Variants in MTCL2 observed in about 807,000 individuals in gnomAD.
MTCL2 encodes the protein microtubule cross-linking factor 2.
chr20:36,850,664 TATG>T, the MTCL2 span, among the ~76,000 whole-genome samples: 5 of 152,258 alleles, frequency 3.3e-5, no homozygotes, highest in Non-Finnish European at 5.9e-5. Flanking sequence ...ATTTAATCCT[TATG>T]ATGGTCACTC....
chr20:36,785,000 G>C, the MTCL2 span: 45 of 985,528 alleles, frequency 4.6e-5, no homozygotes, highest in East Asian at 5.1e-3. Context: ...AAAGGTGTCA[G>C]AGGGAGGGAG....
the MTCL2 span, among the ~76,000 whole-genome samples, chr20:36,861,311 G>A: frequency 2.0e-5 from 3 of 152,134 alleles, no homozygotes; most frequent in Admixed American, 6.5e-5. Flanking sequence ...TGCCAACACC[G>A]AACCCGGCCC....
chr20:36,828,993 G>A, the MTCL2 span: 1 of 1,460,892 alleles, frequency 6.8e-7, no homozygotes. Flanking sequence ...CACTGGCTTG[G>A]GGGGGCTTGC....
At chr20:36,833,309 C>T in the MTCL2 span, among the ~76,000 whole-genome samples, 3 of 152,240 alleles carry the variant, frequency 2.0e-5, no homozygotes, top group Non-Finnish European at 2.9e-5. Flanking sequence ...CTCCCAGCTA[C>T]CCTCAAGGTA....
chr20:36,780,265 A>G, the MTCL2 span: 8 of 145,466 alleles, frequency 5.5e-5, no homozygotes, highest in East Asian at 1.2e-3. Context: ...ATCCACAGAG[A>G]AAAAAAAAAA....
chr20:36,804,482 A>C, the MTCL2 span, among the ~76,000 whole-genome samples: 1 of 152,108 alleles, frequency 6.6e-6, no homozygotes, highest in Non-Finnish European at 1.5e-5. Flanking sequence ...GGGGATGTGC[A>C]CCAGCCTCAC....
At chr20:36,793,925 A>C in the MTCL2 span, 1 of 1,551,406 alleles carries the variant, frequency 6.4e-7, no homozygotes, top group Non-Finnish European at 8.7e-7. The surrounding 1 kb of genome is among the most constrained non-coding windows in gnomAD (Gnocchi z 6.8). Flanking sequence ...GCCCACGCTG[A>C]CCGTGCGGAT....
At chr20:36,788,730 A>T in the MTCL2 span, among the ~76,000 whole-genome samples, 1 of 151,806 alleles carries the variant, frequency 6.6e-6, no homozygotes, top group Admixed American at 6.6e-5. Flanking sequence ...TAGCTGTGTG[A>T]CCTTGGGAGA....
the MTCL2 span, chr20:36,805,029 C>T: frequency 2.0e-6 from 2 of 995,886 alleles, no homozygotes; most frequent in Admixed American, 5.2e-5. Context: ...CCCACAACCT[C>T]CCTAGGTCAT....
At chr20:36,831,178 C>T in the MTCL2 span, among the ~76,000 whole-genome samples, 1 of 152,218 alleles carries the variant, frequency 6.6e-6, no homozygotes, top group Non-Finnish European at 1.5e-5. Context: ...CAACCAGACT[C>T]CATCTCTATG....
chr20:36,858,817 G>A, the MTCL2 span, among the ~76,000 whole-genome samples: 1 of 152,066 alleles, frequency 6.6e-6, no homozygotes, highest in Non-Finnish European at 1.5e-5. Context: ...TGAGACAAGA[G>A]TTTCACTCTG....
chr20:36,853,268 C>G, the MTCL2 span, among the ~76,000 whole-genome samples: 1 of 152,120 alleles, frequency 6.6e-6, no homozygotes, highest in African/African-American at 2.4e-5. Context: ...TCCCTGTGCA[C>G]CCCTGATCCC....
At chr20:36,801,164 T>C in the MTCL2 span, among the ~76,000 whole-genome samples, 8 of 152,124 alleles carry the variant, frequency 5.3e-5, no homozygotes, top group African/African-American at 1.9e-4. Context: ...CCTTAGCCTC[T>C]CATGTAGCTG....
the MTCL2 span, chr20:36,863,413 G>A: frequency 1.8e-6 from 2 of 1,094,454 alleles, no homozygotes; most frequent in Non-Finnish European, 2.2e-6. The surrounding 1 kb of genome is among the most constrained non-coding windows in gnomAD (Gnocchi z 6.2). Flanking sequence ...CGTCCCTGGG[G>A]AGGGACCCGG....
chr20:36,784,361 G>A, the MTCL2 span: 3 of 985,842 alleles, frequency 3.0e-6, no homozygotes, highest in Non-Finnish European at 3.6e-6. Context: ...TGTTCAGCCT[G>A]CAGGGAAGGG....
the MTCL2 span, among the ~76,000 whole-genome samples, chr20:36,861,988 A>G: frequency 6.6e-6 from 1 of 152,226 alleles, no homozygotes; most frequent in Non-Finnish European, 1.5e-5. Context: ...TTGTGTGCAC[A>G]AGGTCTGCCC....
the MTCL2 span, chr20:36,782,343 C>G: frequency 6.6e-6 from 1 of 152,302 alleles, no homozygotes; most frequent in African/African-American, 2.4e-5. Flanking sequence ...AAGCCCCCAG[C>G]AGGGCAGCGG....
chr20:36,851,055 C>T, the MTCL2 span, among the ~76,000 whole-genome samples: 18 of 152,074 alleles, frequency 1.2e-4, no homozygotes, highest in South Asian at 1.3e-3. Flanking sequence ...GGTCTGAAAT[C>T]GAGAGAGGAA....
the MTCL2 span, among the ~76,000 whole-genome samples, chr20:36,859,145 C>A: frequency 6.6e-6 from 1 of 152,238 alleles, no homozygotes; most frequent in African/African-American, 2.4e-5. Flanking sequence ...AGCCAGGTAA[C>A]TTGCCCATGG....
Sources: gnomAD v4.1 joint callset for allele counts (sites outside exome capture counted in the v4.1 genomes callset) on GRCh38, gnomAD v4.1.1 for gene constraint, Gnocchi (gnomAD v3.1) non-coding constraint, MANE v1.5 for transcripts, NCBI Gene and HGNC (gene_info 2026-07-23, HGNC 2026-07-21) for gene names.